The following PLEKHB2 variants were observed in gnomAD, a reference collection of about 807,000 sequenced individuals.
PLEKHB2 encodes pleckstrin homology domain containing B2, also known as pleckstrin homology domain-containing family B member 2.
PLEKHB2 carries 31 observed loss-of-function variants against 36.5 expected under a neutral mutation model. The observed-to-expected ratio is 0.85, with a 90% confidence interval of 0.64 to 1.15. PLEKHB2 has a LOEUF of 1.15. Ranked by LOEUF, PLEKHB2 falls within the 50% of genes most tolerant of loss-of-function variation. The pLI is 0.00. For synonymous variants in PLEKHB2, 119 were observed against 112.0 expected (o/e 1.06, Z -0.39); for missense variants, 262 against 295.3 (o/e 0.89, Z 0.83).
At chr2:131,128,107 T>A (rs1352692953) in intron 4 of PLEKHB2, among the ~76,000 whole-genome samples, 1 of 152,212 alleles carries the variant, frequency 6.6e-6, no homozygotes, top group African/African-American at 2.4e-5. Flanking sequence ...GCCCTCAGAT[T>A]ACAGAATGTT....
Position 131,140,153 on chromosome 2 carries a change from C to T in PLEKHB2, c.424-14C>T. 6.5e-7 allele frequency: 1 copy of T among 1,527,100 alleles called. No homozygotes were observed. The highest frequency in any genetic ancestry group is 9.0e-7 in the Non-Finnish European group (1 of 1,106,828). 94.6% of individuals were successfully genotyped at this position (1,527,100 alleles called of 1,614,324 possible). A position where few individuals can be genotyped will look rare whatever the true frequency, so the allele number is the denominator to read the frequency against. On this transcript the variant is annotated splice_polypyrimidine_tract_variant and intron_variant, in intron 6 of 7. Transcript: ENST00000693505. ...TTTCACAATTGTATTTCTAATGGGC[C>T]TGTTTCTTTTCAGCAGGCTTATGGC...
intron 1 of PLEKHB2, among the ~76,000 whole-genome samples, chr2:131,115,183 C>T (rs1695733277): frequency 6.6e-6 from 1 of 152,128 alleles, no homozygotes; most frequent in Admixed American, 6.6e-5. Context: ...ACTGTCAGAT[C>T]TTGTGAGACT....
intron 1 of PLEKHB2, among the ~76,000 whole-genome samples, chr2:131,113,604 G>T (rs1695553785): frequency 6.6e-6 from 1 of 152,114 alleles, no homozygotes; most frequent in African/African-American, 2.4e-5. Flanking sequence ...TTCTCTGGAG[G>T]GTGTTAGGCA....
At chr2:131,134,502 T>C (rs1698041524) in intron 6 of PLEKHB2, among the ~76,000 whole-genome samples, 1 of 152,252 alleles carries the variant, frequency 6.6e-6, no homozygotes, top group Non-Finnish European at 1.5e-5. Flanking sequence ...ATTAATTTTT[T>C]ATAAGATAGA....
At chr2:131,122,984 G>A (rs1276938014) in intron 2 of PLEKHB2, among the ~76,000 whole-genome samples, 1 of 152,092 alleles carries the variant, frequency 6.6e-6, no homozygotes, top group Non-Finnish European at 1.5e-5. Flanking sequence ...CTTGTTTGAG[G>A]GCAAGCTTTC....
At chr2:131,130,305 T>C (rs568091535) in intron 4 of PLEKHB2, among the ~76,000 whole-genome samples, 50 of 152,094 alleles carry the variant, frequency 3.3e-4, no homozygotes, top group African/African-American at 1.1e-3. Context: ...TGGCCTCCCA[T>C]AGTGCTGGGA....
intron 1 of PLEKHB2, among the ~76,000 whole-genome samples, chr2:131,120,046 G>A (rs1047832647): frequency 1.3e-5 from 2 of 149,168 alleles, no homozygotes; most frequent in East Asian, 2.0e-4. Context: ...TCGGCTCACC[G>A]CATCCTCTGC....
intron 4 of PLEKHB2, among the ~76,000 whole-genome samples, chr2:131,129,891 T>G (rs1020162041): frequency 1.3e-5 from 2 of 152,158 alleles, no homozygotes; most frequent in Non-Finnish European, 2.9e-5. Context: ...GTATAGAGAT[T>G]GTTAGAATCG....
Position 131,126,705 on chromosome 2 carries a change from A to G in PLEKHB2, c.212A>G (p.Lys71Arg), listed in dbSNP as rs754081471. The G allele has an allele frequency of 9.9e-6, 16 of 1,609,402 alleles. No individual in the cohort carries two copies. The highest frequency in any genetic ancestry group is 2.2e-5 in the South Asian group (2 of 90,960). ...ECRDTQPPDG[K>R]SKDCMLQIVC... ...ATAGATACTCAGCCCCCGGATGGAAAGTCAAAAGACTGCATGCTCCAGATT... is the reference window on the plus strand; with the variant it reads ...ATAGATACTCAGCCCCCGGATGGAAGGTCAAAAGACTGCATGCTCCAGATT... The change falls in exon 4 of 8, where the codon AAG (lysine) becomes AGG (arginine). Residue 71 changes from lysine (K) to arginine (R), a missense_variant. Transcript: ENST00000693505.
chr2:131,109,939 C>T (rs1262269856), intron 1 of PLEKHB2, among the ~76,000 whole-genome samples: 2 of 151,692 alleles, frequency 1.3e-5, no homozygotes, highest in Non-Finnish European at 2.9e-5. Context: ...ACGGTGAAAC[C>T]CTGTCTCTAC....
Position 131,147,008 on chromosome 2 carries a change from T to A in PLEKHB2, c.*235T>A. 1 of 366,584 alleles carries A rather than the reference T, an allele frequency of 2.7e-6. No homozygotes were observed. Among genetic ancestry groups the A allele is most frequent in the Non-Finnish European group, 4.9e-6 (1 of 206,144 alleles). The allele number at this position is 366,584 out of a possible 1,614,324, so 22.7% of individuals were successfully genotyped here. On this transcript the variant is annotated 3_prime_UTR_variant, in exon 8 of 8. Transcript: ENST00000693505. The stretch of plus-strand genomic sequence containing the variant: ...GCACTGGCTCATTCCAAGACTGTTC[T>A]TGTGCAACTCTCAGAATACCTTATT...
At chr2:131,135,909 G>C (rs942498726) in intron 6 of PLEKHB2, among the ~76,000 whole-genome samples, 1 of 152,050 alleles carries the variant, frequency 6.6e-6, no homozygotes, top group Non-Finnish European at 1.5e-5. Flanking sequence ...CGCCCGGCCA[G>C]TGTATTCAGT....
At chr2:131,131,683 CCTTT>C (rs1335230162) in intron 5 of PLEKHB2, among the ~76,000 whole-genome samples, 1 of 151,802 alleles carries the variant, frequency 6.6e-6, no homozygotes, top group Non-Finnish European at 1.5e-5. Flanking sequence ...GTGTTCTCTT[CCTTT>C]GTTAGCACAC....
intron 1 of PLEKHB2, among the ~76,000 whole-genome samples, chr2:131,119,187 T>C (rs6709639): frequency 0.023 from 3,396 of 150,314 alleles, 130 homozygotes; most frequent in African/African-American, 0.078. Context: ...ACGTGGAAGG[T>C]GGAGGTTGCA....
chr2:131,127,346 C>T (rs953513194), intron 4 of PLEKHB2, among the ~76,000 whole-genome samples: 2 of 152,186 alleles, frequency 1.3e-5, no homozygotes, highest in Non-Finnish European at 1.5e-5. Context: ...CGGTCTCTGC[C>T]TCTGTTGTCA....
intron 4 of PLEKHB2, among the ~76,000 whole-genome samples, chr2:131,128,210 G>A (rs1283392280): frequency 6.6e-6 from 1 of 152,194 alleles, no homozygotes; most frequent in South Asian, 2.1e-4. Context: ...GATTAGGTAG[G>A]AAGCGTGTCA....
At chr2:131,117,303 C>G (rs574428363) in intron 1 of PLEKHB2, among the ~76,000 whole-genome samples, 3 of 150,858 alleles carry the variant, frequency 2.0e-5, no homozygotes, top group Non-Finnish European at 3.0e-5. Flanking sequence ...GGCACACGCC[C>G]GTAATTCTAG....
intron 5 of PLEKHB2, among the ~76,000 whole-genome samples, chr2:131,131,758 CTTTT>C (rs35889012): frequency 7.2e-6 from 1 of 139,134 alleles, no homozygotes; most frequent in Non-Finnish European, 1.6e-5. Flanking sequence ...GAAAATCCCC[CTTTT>C]TTTTTTTTTT....
chr2:131,111,862 A>G (rs895322949), intron 1 of PLEKHB2, among the ~76,000 whole-genome samples: 1 of 151,766 alleles, frequency 6.6e-6, no homozygotes, highest in African/African-American at 2.4e-5. Flanking sequence ...TTTTCTTGAA[A>G]ATTTTATTTT....
Sources: allele counts gnomAD v4.1 joint callset (sites outside exome capture counted in the v4.1 genomes callset), GRCh38; gene constraint gnomAD v4.1.1; transcripts MANE v1.5; gene names NCBI Gene and HGNC (gene_info 2026-07-23, HGNC 2026-07-21).